The following CAMSAP2 variants were observed in gnomAD, a reference collection of about 807,000 sequenced individuals.
CAMSAP2 encodes the protein calmodulin-regulated spectrin-associated protein 2.
In CAMSAP2, 26 loss-of-function variants were observed where a neutral mutation model predicts 146.1. That is an observed-to-expected ratio of 0.18 (90% CI 0.13 to 0.25). CAMSAP2 has a LOEUF of 0.25. Ranked by LOEUF, CAMSAP2 falls within the 10% of genes least tolerant of loss-of-function variation. The pLI, the probability that CAMSAP2 is intolerant of heterozygous loss-of-function variation, is 1.00. For missense variants in CAMSAP2, 1,381 were observed against 1,759.3 expected, an observed-to-expected ratio of 0.78 and a Z score of 3.85; for synonymous variants, 499 against 596.6, an observed-to-expected ratio of 0.84 and a Z score of 2.38.
chr1:200,792,014 A>G (rs1054950526), intron 2 of CAMSAP2, among the ~76,000 whole-genome samples: 3 of 152,166 alleles, frequency 2.0e-5, no homozygotes, highest in Non-Finnish European at 4.4e-5. Flanking sequence ...TAACTATGCC[A>G]TATGACCTGA....
chr1:200,791,431 C>G (rs1383695511), intron 2 of CAMSAP2, among the ~76,000 whole-genome samples: 1 of 152,046 alleles, frequency 6.6e-6, no homozygotes, highest in African/African-American at 2.4e-5. Context: ...AAAATTTCAG[C>G]CATTATTTCT....
At chr1:200,826,657 T>C (rs533965925) in intron 4 of CAMSAP2, among the ~76,000 whole-genome samples, 6 of 152,186 alleles carry the variant, frequency 3.9e-5, no homozygotes, top group African/African-American at 1.4e-4. Flanking sequence ...ATTTGGAGAG[T>C]ATTAATGGCA....
At chr1:200,827,105 C>G (rs1425737813) in intron 4 of CAMSAP2, among the ~76,000 whole-genome samples, 1 of 152,170 alleles carries the variant, frequency 6.6e-6, no homozygotes, top group Non-Finnish European at 1.5e-5. Flanking sequence ...AGTACATTTA[C>G]TCTTTAGTTA....
Position 200,848,765 on chromosome 1 carries a change from A to G in CAMSAP2, c.1996A>G (p.Ser666Gly), listed in dbSNP as rs766840818. The G allele has an allele frequency of 1.9e-6, 3 of 1,614,092 alleles. No homozygotes were observed. The highest frequency in any genetic ancestry group is 2.5e-6 in the Non-Finnish European group (3 of 1,180,022). Residue 666 changes from serine to glycine, a missense_variant, in exon 11 of 17, where the codon AGT becomes GGT. Physicochemically the swap from Ser to Gly is moderately conservative, Grantham distance 56. Around this residue, in one of 4 missense-constraint regions of CAMSAP2, gnomAD observed 447 missense variants for 462.2 expected, o/e 0.97. Transcript: ENST00000358823. ...CAGGGAAGCTTTGAGTCCTTGTCCA[A>G]GTACTGTAAGTACCAAGTCTCAGCC... Reference protein sequence around the residue: ...NTREALSPCPSTVSTKSQPGS... With the variant: ...NTREALSPCPGTVSTKSQPGS...
At chr1:200,765,930 G>T (rs1664937155) in intron 2 of CAMSAP2, among the ~76,000 whole-genome samples, 1 of 152,196 alleles carries the variant, frequency 6.6e-6, no homozygotes, top group Non-Finnish European at 1.5e-5. Context: ...GAGTCTGTAA[G>T]TTAGATAATG....
At chr1:200,813,208 G>A (rs970171752) in intron 3 of CAMSAP2, among the ~76,000 whole-genome samples, 1 of 152,194 alleles carries the variant, frequency 6.6e-6, no homozygotes, top group East Asian at 1.9e-4. Flanking sequence ...TCACGTGGCC[G>A]AAAGGGCCAC....
intron 7 of CAMSAP2, among the ~76,000 whole-genome samples, chr1:200,844,409 G>A (rs1199167220): frequency 2.0e-5 from 3 of 151,842 alleles, no homozygotes; most frequent in Non-Finnish European, 2.9e-5. Flanking sequence ...TTAGCTGAGC[G>A]TGGTGGCGGG....
intron 2 of CAMSAP2, among the ~76,000 whole-genome samples, chr1:200,767,128 C>A (rs980220153): frequency 2.4e-4 from 37 of 151,926 alleles, no homozygotes; most frequent in African/African-American, 8.9e-4. Context: ...GTCAGGAGTT[C>A]GAGACCAGCC....
In CAMSAP2 at chr1:200,739,421, C is replaced by A. The variant is rs1664079060; in HGVS notation, c.-407C>A. ...CAACGTGATTGTTGAAGGCTCCCCC[C>A]ATCCCCCCTCCCTTAAAATTCCGGG... On this transcript the variant is annotated 5_prime_UTR_variant, in exon 1 of 17. Coordinates refer to ENST00000358823, the MANE Select transcript of CAMSAP2 (RefSeq NM_203459.4). This position sits in a 1 kb window ranked among gnomAD's most constrained non-coding sequence, Gnocchi z 4.8. The A allele has an allele frequency of 6.6e-6, 1 of 152,654 alleles. No homozygotes were observed. The highest frequency in any genetic ancestry group is 1.5e-5 in the Non-Finnish European group (1 of 68,422). 9.5% of individuals were successfully genotyped at this position (152,654 alleles called of 1,614,324 possible).
At chr1:200,836,189 A>C (rs1667180693) in intron 6 of CAMSAP2, among the ~76,000 whole-genome samples, 1 of 151,940 alleles carries the variant, frequency 6.6e-6, no homozygotes, top group South Asian at 2.1e-4. Flanking sequence ...TGTGGTACAG[A>C]TTTTTATTTC....
At chr1:200,815,466 C>CTATAG (rs1490891733) in intron 3 of CAMSAP2, 95 bp from the exon 4 acceptor site, 3 of 555,926 alleles carry the variant, frequency 5.4e-6, no homozygotes, top group African/African-American at 2.0e-5. Context: ...AGGGCTCTGA[C>CTATAG]TATAGGCATC....
chr1:200,751,769 C>T (rs774622167), intron 1 of CAMSAP2, among the ~76,000 whole-genome samples: 18 of 151,936 alleles, frequency 1.2e-4, no homozygotes, highest in Non-Finnish European at 2.1e-4. Flanking sequence ...AGGTATGGGA[C>T]CTGGAATGAG....
At chr1:200,751,774 A>G (rs1287422345) in intron 1 of CAMSAP2, among the ~76,000 whole-genome samples, 4 of 152,146 alleles carry the variant, frequency 2.6e-5, no homozygotes, top group Admixed American at 1.3e-4. Context: ...TGGGACCTGG[A>G]ATGAGGTAAT....
At chr1:200,804,963 A>G (rs529809742) in intron 2 of CAMSAP2, among the ~76,000 whole-genome samples, 12 of 152,364 alleles carry the variant, frequency 7.9e-5, no homozygotes, top group African/African-American at 2.9e-4. Flanking sequence ...GACAAATTGC[A>G]TAATTGTCTA....
chr1:200,838,599 T>C (rs1355427990), intron 6 of CAMSAP2, among the ~76,000 whole-genome samples: 4 of 152,228 alleles, frequency 2.6e-5, no homozygotes, highest in African/African-American at 9.6e-5. Flanking sequence ...TTTTAGACTT[T>C]ATCATCTGGA....
chr1:200,804,616 A>G (rs1029033001), intron 2 of CAMSAP2, among the ~76,000 whole-genome samples: 2 of 152,176 alleles, frequency 1.3e-5, no homozygotes, highest in African/African-American at 4.8e-5. Context: ...CACCCATAAA[A>G]CATTGTCTAG....
intron 4 of CAMSAP2, 44 bp downstream of exon 4, chr1:200,815,688 A>G (rs1558189896): frequency 2.2e-6 from 2 of 916,872 alleles, no homozygotes; most frequent in Non-Finnish European, 3.3e-6. Context: ...GAGACTGTAT[A>G]TATGTTCACA....
chr1:200,743,676 C>T (rs959234076), intron 1 of CAMSAP2, among the ~76,000 whole-genome samples: 9 of 151,762 alleles, frequency 5.9e-5, no homozygotes, highest in South Asian at 2.1e-4. Flanking sequence ...CATGGTGGCT[C>T]ATGCCTGTAA....
chr1:200,817,165 C>CACACATATAAGT (rs375085196), intron 4 of CAMSAP2, among the ~76,000 whole-genome samples: 30 of 68,040 alleles, frequency 4.4e-4, no homozygotes, highest in Admixed American at 7.8e-4. Flanking sequence ...CATACACACA[C>CACACATATAAGT]GTGTGTGTAT....
Sources: gnomAD v4.1 joint callset for allele counts (sites outside exome capture counted in the v4.1 genomes callset) on GRCh38, gnomAD v4.1.1 for gene constraint, gnomAD v4.1.1 regional missense constraint, Gnocchi (gnomAD v3.1) non-coding constraint, MANE v1.5 for transcripts, NCBI Gene and HGNC (gene_info 2026-07-23, HGNC 2026-07-21) for gene names.